Variants in GLI2 observed in about 807,000 individuals in gnomAD.
The protein encoded by GLI2 is transcription activator GLI2.
GLI2 carries 22 observed loss-of-function variants against 78.9 expected under a neutral mutation model. The observed-to-expected ratio is 0.28, with a 90% CI of 0.20 to 0.40. The LOEUF is 0.40. GLI2 is among the 10% of genes least tolerant of loss of function. GLI2 has a pLI of 1.00. For synonymous variants in GLI2, 974 were observed against 963.7 expected, an observed-to-expected ratio of 1.01 and a Z score of -0.20; for missense variants, 2,097 against 2,213.2, an observed-to-expected ratio of 0.95 and a Z score of 1.05.
intron 1 of GLI2, among the ~76,000 whole-genome samples, chr2:120,744,851 TTGAA>T (rs1682650068): frequency 6.6e-6 from 1 of 152,198 alleles, no homozygotes; most frequent in African/African-American, 2.4e-5. Flanking sequence ...GGAGAACCCA[TTGAA>T]TGAGAATTCC....
intron 1 of GLI2, among the ~76,000 whole-genome samples, chr2:120,763,913 T>C (rs928014934): frequency 3.9e-5 from 6 of 152,236 alleles, no homozygotes; most frequent in Admixed American, 3.9e-4. Flanking sequence ...CAAGTGGGCC[T>C]TTTATGCTTC....
At chr2:120,943,007 A>C (rs1680537574) in intron 3 of GLI2, among the ~76,000 whole-genome samples, 1 of 152,114 alleles carries the variant, frequency 6.6e-6, no homozygotes, top group African/African-American at 2.4e-5. Flanking sequence ...CATTCAGCAC[A>C]CACGTATTTG....
Position 120,990,119 on chromosome 2 carries a change from C to T in GLI2, c.4154C>T (p.Ala1385Val). The T allele has an allele frequency of 6.9e-6, 11 of 1,603,680 alleles. No individual in the cohort carries two copies. Among genetic ancestry groups the T allele is most frequent in the Non-Finnish European group, 9.4e-6 (11 of 1,173,758 alleles). Residue 1385 changes from alanine to valine, a missense_variant, in exon 14 of 14, where the codon GCC becomes GTC. Around this residue, in one of 5 missense-constraint regions of GLI2, gnomAD observed 1,290 missense variants for 1,261.7 expected, o/e 1.02. Transcript: ENST00000361492. ...QLAYARATGHAMAAMPSSQET... is the reference protein window; with the variant it reads ...QLAYARATGHVMAAMPSSQET... ...GCCTACGCCAGGGCCACAGGCCATGCCATGGCTGCCATGCCGTCCAGTCAG... is the reference window on the plus strand; with the variant it reads ...GCCTACGCCAGGGCCACAGGCCATGTCATGGCTGCCATGCCGTCCAGTCAG...
chr2:120,930,584 C>T (rs1439237171), intron 3 of GLI2, among the ~76,000 whole-genome samples: 5 of 152,250 alleles, frequency 3.3e-5, no homozygotes, highest in Admixed American at 6.5e-5. Context: ...CGAGTCCAGT[C>T]GCTCCCAGAA....
intron 2 of GLI2, among the ~76,000 whole-genome samples, chr2:120,874,879 G>A (rs277552): frequency 0.32 from 48,568 of 152,094 alleles, 7,934 homozygotes; most frequent in South Asian, 0.48. Flanking sequence ...TGTCTGCCCT[G>A]CAGGTGACTT....
intron 2 of GLI2, among the ~76,000 whole-genome samples, chr2:120,904,454 C>T (rs1261508876): frequency 2.0e-5 from 3 of 152,258 alleles, no homozygotes. Context: ...TGTGACCTCA[C>T]GAGCTCTGGG....
intron 2 of GLI2, among the ~76,000 whole-genome samples, chr2:120,876,491 A>G (rs1295366708): frequency 6.6e-6 from 1 of 152,202 alleles, no homozygotes; most frequent in Non-Finnish European, 1.5e-5. Flanking sequence ...TTCTCCCAGC[A>G]GCGAAGATAA....
At chr2:120,874,319 T>C (rs1325801857) in intron 2 of GLI2, among the ~76,000 whole-genome samples, 1 of 152,240 alleles carries the variant, frequency 6.6e-6, no homozygotes, top group Non-Finnish European at 1.5e-5. Flanking sequence ...GAGAAAAATT[T>C]CTGGGCCTGT....
chr2:120,902,899 G>A (rs1054727976), intron 2 of GLI2, among the ~76,000 whole-genome samples: 2 of 152,206 alleles, frequency 1.3e-5, no homozygotes, highest in Non-Finnish European at 2.9e-5. Context: ...GGGAGGACAG[G>A]TGGAGCTCTC....
chr2:120,981,119 G>T (rs1682700320), intron 10 of GLI2, among the ~76,000 whole-genome samples: 1 of 152,184 alleles, frequency 6.6e-6, no homozygotes, highest in South Asian at 2.1e-4. Flanking sequence ...AACCTCAGGT[G>T]ATCCCCCTGC....
At chr2:120,747,794 C>T (rs1291508904) in intron 1 of GLI2, among the ~76,000 whole-genome samples, 2 of 152,212 alleles carry the variant, frequency 1.3e-5, no homozygotes. Context: ...GGGACTCTGA[C>T]AGTGGGGCTG....
Position 120,843,624 on chromosome 2 carries a change from C to T in GLI2, c.148+46156C>T, listed in dbSNP as rs140637103. On this transcript the variant is annotated intron_variant, in intron 2 of 13. Coordinates refer to ENST00000361492, the MANE Select transcript of GLI2 (RefSeq NM_001374353.1). ...GGCAGCTGGGACTCTGCAGGTTCCA[C>T]GGGCGTCAGAGGGGCTCTGGATCAG... is the stretch of plus-strand genomic sequence containing the variant. Among the ~76,000 whole-genome samples the T allele has an allele frequency of 3.3e-3, 502 of 152,274 alleles. 2 individuals are homozygous for T. Among genetic ancestry groups the T allele is most frequent in the African/African-American group, 0.011 (459 of 41,568 alleles).
intron 1 of GLI2, among the ~76,000 whole-genome samples, chr2:120,776,274 G>A (rs754906128): frequency 1.3e-5 from 2 of 152,226 alleles, no homozygotes; most frequent in Non-Finnish European, 2.9e-5. Flanking sequence ...GAGAGGTTGG[G>A]TTGCACAGCT....
intron 2 of GLI2, among the ~76,000 whole-genome samples, chr2:120,920,185 A>G (rs112994107): frequency 5.3e-5 from 8 of 152,214 alleles, no homozygotes; most frequent in African/African-American, 1.9e-4. Context: ...TCCCCAACAC[A>G]GCCACTCTGT....
chr2:120,814,689 T>C (rs746997489), intron 2 of GLI2, among the ~76,000 whole-genome samples: 6 of 152,168 alleles, frequency 3.9e-5, no homozygotes, highest in Non-Finnish European at 8.8e-5. Flanking sequence ...TTGTGAACTG[T>C]GCATTTGAGG....
chr2:120,919,340 C>T (rs928858599), intron 2 of GLI2, among the ~76,000 whole-genome samples: 7 of 152,248 alleles, frequency 4.6e-5, no homozygotes, highest in South Asian at 2.1e-4. Flanking sequence ...ATCCCAGAGA[C>T]GTGCCAAGTA....
chr2:120,897,715 T>A (rs76002107), intron 2 of GLI2, among the ~76,000 whole-genome samples: 1 of 152,234 alleles, frequency 6.6e-6, no homozygotes, highest in Non-Finnish European at 1.5e-5. Flanking sequence ...CGTTAACATG[T>A]CTGATCTCAG....
intron 2 of GLI2, among the ~76,000 whole-genome samples, chr2:120,877,368 A>G (rs962053351): frequency 6.6e-6 from 1 of 152,232 alleles, no homozygotes; most frequent in African/African-American, 2.4e-5. Flanking sequence ...TTCAAAAAAA[A>G]TATGCAAATA....
At chr2:120,853,199 G>A (rs1687491833) in intron 2 of GLI2, among the ~76,000 whole-genome samples, 1 of 152,162 alleles carries the variant, frequency 6.6e-6, no homozygotes, top group Non-Finnish European at 1.5e-5. Flanking sequence ...TGAAAGGAGG[G>A]CCAGGAGACC....
Sources: allele counts gnomAD v4.1 joint callset (sites outside exome capture counted in the v4.1 genomes callset), GRCh38; gene constraint gnomAD v4.1.1; regional missense constraint gnomAD v4.1.1; transcripts MANE v1.5; gene names NCBI Gene and HGNC (gene_info 2026-07-23, HGNC 2026-07-21).